Variants in CYFIP2 observed in about 807,000 individuals in gnomAD.
CYFIP2 encodes cytoplasmic FMR1-interacting protein 2.
In CYFIP2, 29 loss-of-function variants were observed where a neutral mutation model predicts 158.7. The ratio of observed to expected loss-of-function variants is 0.18; its 90% CI spans 0.14 to 0.25. CYFIP2 has a LOEUF of 0.25. Among genes scored for constraint, CYFIP2 ranks in the 10% least tolerant of loss-of-function variants. CYFIP2 has a pLI of 1.00. For missense variants in CYFIP2, 852 were observed against 1,639.5 expected (o/e 0.52, Z 8.29); for synonymous variants, 585 against 617.6 (o/e 0.95, Z 0.78).
chr5:157,304,581 G>A (rs896562777), intron 8 of CYFIP2: 8 of 457,322 alleles, frequency 1.7e-5, no homozygotes, highest in South Asian at 1.2e-4. Context: ...ACAATGTTAT[G>A]TGTAATGACT....
In CYFIP2 at chr5:157,323,911, C is replaced by G. The variant is rs1250847834; in HGVS notation, c.1672-10C>G. ...GCTTCTGACCTTCTCATCTTGCTTT[C>G]TTTTTCAAGCTGTACATGGTGCGGA... On this transcript the variant is annotated splice_polypyrimidine_tract_variant and intron_variant, in intron 15 of 30. Transcript: ENST00000620254. The G allele has an allele frequency of 2.6e-6, 4 of 1,546,506 alleles. No homozygotes were observed. The Admixed American group carries it at 6.0e-5, about 23-fold the overall frequency.
chr5:157,361,431 G>A lies in CYFIP2; in HGVS notation c.2909-37G>A. 6.2e-7 allele frequency: 1 copy of A among 1,612,810 alleles called. No homozygotes were observed. The highest frequency in any genetic ancestry group is 8.5e-7 in the Non-Finnish European group (1 of 1,179,586). On this transcript the variant is annotated intron_variant, in intron 25 of 30. Transcript: ENST00000620254. This position sits in a 1 kb window ranked among gnomAD's most constrained non-coding sequence, Gnocchi z 4.4. ...TTTCCCATAGACCCTACTGAGCAGTGTCAACTTCCCACTGACCACCCCGAT... is the reference window on the plus strand; with the variant it reads ...TTTCCCATAGACCCTACTGAGCAGTATCAACTTCCCACTGACCACCCCGAT...
chr5:157,310,079 C>T (rs947833200), intron 10 of CYFIP2, among the ~76,000 whole-genome samples: 1 of 152,228 alleles, frequency 6.6e-6, no homozygotes, highest in Non-Finnish European at 1.5e-5. Context: ...AGCAGTGACT[C>T]GCATGTCCTC....
chr5:157,302,176 T>A (rs111393205), intron 6 of CYFIP2, among the ~76,000 whole-genome samples: 32 of 152,290 alleles, frequency 2.1e-4, no homozygotes, highest in African/African-American at 7.2e-4. Flanking sequence ...CTTGTCTGTT[T>A]TCACAGTTCA....
At chr5:157,391,467 T>A (rs1022565630) in intron 30 of CYFIP2, among the ~76,000 whole-genome samples, 2 of 152,174 alleles carry the variant, frequency 1.3e-5, no homozygotes, top group East Asian at 3.8e-4. Context: ...CCCCAGCCCC[T>A]GGTAACCATC....
chr5:157,389,588 G>T (rs945737725), intron 29 of CYFIP2, 161 bp downstream of exon 29: 6 of 643,848 alleles, frequency 9.3e-6, no homozygotes, highest in Admixed American at 9.0e-5. Flanking sequence ...TGGCAAGAAA[G>T]AGCCCAGTAA....
Position 157,394,248 on chromosome 5 carries a change from G to T in CYFIP2, c.*1248G>T, listed in dbSNP as rs1420577264. The T allele has an allele frequency of 1.3e-5, 2 of 152,170 alleles. No individual in the cohort carries two copies. Among genetic ancestry groups the T allele is most frequent in the African/African-American group, 4.8e-5 (2 of 41,430 alleles). 9.4% of individuals were successfully genotyped at this position (152,170 alleles called of 1,614,324 possible). ...TCTGCAGAATCTCCCACCGAGTGTG[G>T]TAAGAAGGAAGGACAAAAGGCTTTA... On this transcript the variant is annotated 3_prime_UTR_variant, in exon 31 of 31. Coordinates refer to ENST00000620254, the MANE Select transcript of CYFIP2 (RefSeq NM_001037333.3).
intron 23 of CYFIP2, chr5:157,342,507 G>A (rs911528894): frequency 5.5e-6 from 1 of 181,192 alleles, no homozygotes; most frequent in African/African-American, 2.4e-5. Context: ...GAGCCTACTT[G>A]TAACTCAAGT....
chr5:157,319,117 A>C (rs1313083727), intron 13 of CYFIP2, among the ~76,000 whole-genome samples: 1 of 152,184 alleles, frequency 6.6e-6, no homozygotes, highest in Non-Finnish European at 1.5e-5. Flanking sequence ...AGGTCCCAAA[A>C]GAGCGAGCCA....
chr5:157,271,576 C>A (rs1756093874), intron 1 of CYFIP2: 1 of 152,256 alleles, frequency 6.6e-6, no homozygotes, highest in African/African-American at 2.4e-5. Flanking sequence ...ACCTTGTTTG[C>A]AAACCTCAGT....
intron 1 of CYFIP2, among the ~76,000 whole-genome samples, chr5:157,275,866 T>C (rs917435561): frequency 1.2e-4 from 18 of 152,350 alleles, no homozygotes; most frequent in Admixed American, 5.2e-4. Flanking sequence ...TTTGTACTTA[T>C]TTTGTTAAGT....
At chr5:157,325,368 T>C in intron 16 of CYFIP2, 114 bp from the exon 17 acceptor site, 2 of 1,169,148 alleles carry the variant, frequency 1.7e-6, no homozygotes, top group East Asian at 5.7e-5. Context: ...TCAATATTAG[T>C]ACCTGCTACA....
chr5:157,323,795 G>C, intron 15 of CYFIP2, 126 bp from the exon 16 acceptor site: 1 of 1,175,520 alleles, frequency 8.5e-7, no homozygotes, highest in East Asian at 2.6e-5. Context: ...TGCTTCCTTA[G>C]GACAGTGCTT....
intron 17 of CYFIP2, chr5:157,325,877 C>G: frequency 1.8e-6 from 1 of 545,952 alleles, no homozygotes; most frequent in Non-Finnish European, 3.2e-6. Context: ...CAGCTATGCT[C>G]AGAAAAGAAT....
chr5:157,375,675 ATTTTAT>A (rs1431080631), intron 26 of CYFIP2: 1 of 135,564 alleles, frequency 7.4e-6, no homozygotes, highest in Non-Finnish European at 1.6e-5. Flanking sequence ...TTGTTAGTGT[ATTTTAT>A]TTTTATCTGT....
intron 23 of CYFIP2, chr5:157,345,660 CTG>C (rs1762628577): frequency 6.5e-6 from 1 of 152,696 alleles, no homozygotes; most frequent in Admixed American, 6.5e-5. Context: ...TCTCTCAACA[CTG>C]AGTAATCCCA....
intron 30 of CYFIP2, among the ~76,000 whole-genome samples, chr5:157,392,534 G>T (rs1284555036): frequency 6.6e-6 from 1 of 152,166 alleles, no homozygotes; most frequent in Admixed American, 6.5e-5. Flanking sequence ...GATCATATGT[G>T]TAATAGTGTA....
intron 23 of CYFIP2, among the ~76,000 whole-genome samples, chr5:157,351,462 A>C (rs537713227): frequency 6.6e-6 from 1 of 152,348 alleles, no homozygotes; most frequent in East Asian, 1.9e-4. Context: ...AGTAAAACTC[A>C]TACAACTCAG....
chr5:157,301,658 G>C (rs1322666331), intron 6 of CYFIP2, among the ~76,000 whole-genome samples: 1 of 152,130 alleles, frequency 6.6e-6, no homozygotes, highest in Non-Finnish European at 1.5e-5. Context: ...AGCCAGGAGA[G>C]GGTCTCACAC....
Sources: gnomAD v4.1 joint callset for allele counts (sites outside exome capture counted in the v4.1 genomes callset) on GRCh38, gnomAD v4.1.1 for gene constraint, Gnocchi (gnomAD v3.1) non-coding constraint, MANE v1.5 for transcripts, NCBI Gene and HGNC (gene_info 2026-07-23, HGNC 2026-07-21) for gene names.